The following NLK variants were observed in gnomAD, a reference collection of about 807,000 sequenced individuals.
NLK encodes the protein nemo like kinase.
NLK carries 11 observed loss-of-function variants against 59.0 expected under a neutral mutation model. That is an observed-to-expected ratio of 0.19 (90% CI 0.12 to 0.31). The LOEUF (loss-of-function observed/expected upper bound fraction) is 0.31, where lower values mean the gene tolerates loss of function less well. Ranked by LOEUF, NLK falls within the 10% of genes least tolerant of loss-of-function variation. NLK has a pLI of 1.00. For synonymous variants in NLK, 235 were observed against 235.9 expected (o/e 1.00, Z 0.03); for missense variants, 410 against 661.1 (o/e 0.62, Z 4.16).
intron 1 of NLK, among the ~76,000 whole-genome samples, chr17:28,084,382 A>G (rs1021193501): frequency 3.3e-5 from 5 of 152,170 alleles, no homozygotes; most frequent in Admixed American, 3.3e-4. Context: ...GTTAGGAAAT[A>G]CTGTTTTGTT....
downstream of NLK, among the ~76,000 whole-genome samples, chr17:28,199,665 C>CAAAAAAAAAAAAAAAAAA (rs1303411168): frequency 3.0e-5 from 1 of 33,572 alleles, no homozygotes; most frequent in Non-Finnish European, 5.4e-5. Context: ...GACTCTGTCT[C>CAAAAAAAAAAAAAAAAAA]AAAAAAAAAA....
At chr17:28,046,104 A>G (rs1480141188) in intron 1 of NLK, among the ~76,000 whole-genome samples, 2 of 152,238 alleles carry the variant, frequency 1.3e-5, no homozygotes, top group East Asian at 3.8e-4. Context: ...ATGGCTAAAA[A>G]AGTGGCATGC....
intron 1 of NLK, among the ~76,000 whole-genome samples, chr17:28,099,203 TTC>T (rs1904812867): frequency 6.6e-6 from 1 of 152,210 alleles, no homozygotes; most frequent in Non-Finnish European, 1.5e-5. Flanking sequence ...TCAATTTTGT[TTC>T]TTTTATTAGT....
chr17:28,173,705 CTT>C (rs915654592), intron 7 of NLK, among the ~76,000 whole-genome samples: 1 of 152,156 alleles, frequency 6.6e-6, no homozygotes, highest in African/African-American at 2.4e-5. Context: ...CACAGTAAGT[CTT>C]AACCTAGAGG....
Position 28,121,049 on chromosome 17 carries a change from G to A in NLK, c.459-1554G>A, listed in dbSNP as rs551704036. Among the ~76,000 whole-genome samples the A allele has an allele frequency of 7.3e-4, 111 of 152,130 alleles. 1 individual carries two copies. Among genetic ancestry groups the A allele is most frequent in the African/African-American group, 2.6e-3 (108 of 41,530 alleles). ...GTTCTAAACTTTAATTAATAACTTA[G>A]AAAGAGACATTAATGTCACATGGAT... On this transcript the variant is annotated intron_variant, in intron 1 of 10. Transcript: ENST00000407008.
chr17:28,193,421 C>A (rs1399515120), intron 10 of NLK, among the ~76,000 whole-genome samples: 1 of 152,132 alleles, frequency 6.6e-6, no homozygotes, highest in African/African-American at 2.4e-5. Context: ...TTCGGGTGGA[C>A]CAAAGCTGAG....
At chr17:28,159,790 C>T (rs1471780789) in intron 3 of NLK, among the ~76,000 whole-genome samples, 2 of 151,988 alleles carry the variant, frequency 1.3e-5, no homozygotes, top group African/African-American at 4.8e-5. Context: ...AAAAAATTAT[C>T]CTGGCTGCTG....
chr17:28,130,588 T>A (rs75032756), intron 2 of NLK, among the ~76,000 whole-genome samples: 4,865 of 152,242 alleles, frequency 0.032, 236 homozygotes, highest in African/African-American at 0.11. Context: ...CAAGGTTTAA[T>A]ATGTATGGTT....
At chr17:28,123,980 A>C (rs139039732) in intron 2 of NLK, among the ~76,000 whole-genome samples, 1 of 152,300 alleles carries the variant, frequency 6.6e-6, no homozygotes, top group African/African-American at 2.4e-5. Context: ...TTATTTGCAC[A>C]AAAAACTCGA....
intron 1 of NLK, chr17:28,061,826 A>T (rs1300815693): frequency 1.4e-5 from 2 of 143,348 alleles, no homozygotes; most frequent in Admixed American, 7.0e-5. Flanking sequence ...TAATATATAC[A>T]TATATACATA....
chr17:28,193,192 A>G (rs562560197), intron 10 of NLK, among the ~76,000 whole-genome samples: 11 of 152,360 alleles, frequency 7.2e-5, no homozygotes, highest in African/African-American at 2.4e-4. Context: ...AAGGCTGCTG[A>G]AGTAGCAAAT....
intron 1 of NLK, among the ~76,000 whole-genome samples, chr17:28,080,444 A>T (rs1567708395): frequency 6.6e-6 from 1 of 152,236 alleles, no homozygotes; most frequent in Non-Finnish European, 1.5e-5. Context: ...ATTAACTTTC[A>T]TCAGATTCTG....
At chr17:28,101,972 TA>T (rs1344169243) in intron 1 of NLK, among the ~76,000 whole-genome samples, 1 of 152,202 alleles carries the variant, frequency 6.6e-6, no homozygotes, top group African/African-American at 2.4e-5. Context: ...TTACATGCTA[TA>T]TTCTTTTTCA....
chr17:28,112,025 A>C (rs1251117411), intron 1 of NLK, among the ~76,000 whole-genome samples: 3 of 151,668 alleles, frequency 2.0e-5, no homozygotes, highest in African/African-American at 7.3e-5. Context: ...CCTCACATGC[A>C]GGAAGCCTCT....
intron 1 of NLK, among the ~76,000 whole-genome samples, chr17:28,063,144 CT>C (rs1909721243): frequency 6.6e-6 from 1 of 152,156 alleles, no homozygotes; most frequent in Non-Finnish European, 1.5e-5. Flanking sequence ...GTTGTCCAGG[CT>C]GTTCTCAAAC....
At chr17:28,174,975 A>G (rs1908614558) in intron 7 of NLK, among the ~76,000 whole-genome samples, 1 of 150,032 alleles carries the variant, frequency 6.7e-6, no homozygotes, top group Non-Finnish European at 1.5e-5. Flanking sequence ...TTTGGTATGT[A>G]GCCACCTGGA....
chr17:28,142,449 G>A (rs1205798827), intron 3 of NLK, among the ~76,000 whole-genome samples: 5 of 152,162 alleles, frequency 3.3e-5, no homozygotes, highest in East Asian at 1.9e-4. Flanking sequence ...GAAGCACACC[G>A]ATTTTTTTCT....
At chr17:28,183,519 G>C (rs370433245) in intron 7 of NLK, among the ~76,000 whole-genome samples, 1 of 152,040 alleles carries the variant, frequency 6.6e-6, no homozygotes, top group Non-Finnish European at 1.5e-5. Context: ...TGTAGCAATG[G>C]CATCTCACAA....
chr17:28,121,751 G>A (rs559516911), intron 1 of NLK, among the ~76,000 whole-genome samples: 4 of 151,362 alleles, frequency 2.6e-5, no homozygotes, highest in South Asian at 2.1e-4. Context: ...CAGTCACCTC[G>A]GCCTCCCAAA....
Sources: gnomAD v4.1 joint callset for allele counts (sites outside exome capture counted in the v4.1 genomes callset) on GRCh38, gnomAD v4.1.1 for gene constraint, MANE v1.5 for transcripts, NCBI Gene and HGNC (gene_info 2026-07-23, HGNC 2026-07-21) for gene names.